The following IL1RAP variants were observed in gnomAD, a reference collection of about 807,000 sequenced individuals.
The protein encoded by IL1RAP is interleukin-1 receptor accessory protein.
IL1RAP carries 35 observed loss-of-function variants against 60.7 expected under a neutral mutation model. That is an observed-to-expected ratio of 0.58 (90% CI 0.44 to 0.76). The LOEUF is 0.76. IL1RAP is among the 30% of genes least tolerant of loss of function. The pLI is 0.00. For missense variants in IL1RAP, 572 were observed against 693.9 expected (o/e 0.82, Z 1.97); for synonymous variants, 268 against 250.9 (o/e 1.07, Z -0.64).
downstream of IL1RAP, among the ~76,000 whole-genome samples, chr3:190,652,662 A>G (rs1175470053): frequency 6.6e-6 from 1 of 152,188 alleles, no homozygotes; most frequent in Non-Finnish European, 1.5e-5. Context: ...GCAGAGTTCG[A>G]CACTAATGGA....
At chr3:190,522,415 C>CTATG (rs369803038) in intron 1 of IL1RAP, among the ~76,000 whole-genome samples, 1 of 118,176 alleles carries the variant, frequency 8.5e-6, no homozygotes, top group South Asian at 2.7e-4. Flanking sequence ...ATCTATGTAT[C>CTATG]TATGTATCTA....
intron 1 of IL1RAP, among the ~76,000 whole-genome samples, chr3:190,551,759 A>T (rs986132110): frequency 6.6e-6 from 1 of 152,210 alleles, no homozygotes; most frequent in Admixed American, 6.5e-5. Flanking sequence ...TTTGAAAAGG[A>T]TTAAAACAAG....
chr3:190,615,800 A>C (rs1010007607), intron 5 of IL1RAP, among the ~76,000 whole-genome samples: 2 of 152,192 alleles, frequency 1.3e-5, no homozygotes, highest in Admixed American at 6.5e-5. Flanking sequence ...GCTATTAGGA[A>C]AGAACATTTC....
intron 1 of IL1RAP, among the ~76,000 whole-genome samples, chr3:190,527,103 T>C (rs935646600): frequency 6.6e-6 from 1 of 152,204 alleles, no homozygotes; most frequent in Non-Finnish European, 1.5e-5. Context: ...TACTTTGTAT[T>C]CCAGCGATGA....
At chr3:190,613,274 C>T (rs2108774874) in intron 5 of IL1RAP, among the ~76,000 whole-genome samples, 1 of 152,246 alleles carries the variant, frequency 6.6e-6, no homozygotes, top group Admixed American at 6.5e-5. Context: ...AGAGGAGAAG[C>T]AGGTTTAGGG....
chr3:190,536,592 T>A (rs11921538), intron 1 of IL1RAP, among the ~76,000 whole-genome samples: 15,025 of 152,164 alleles, frequency 0.099, 1,059 homozygotes, highest in East Asian at 0.36. Flanking sequence ...AAAATGACAG[T>A]TTTTTGCAAA....
chr3:190,567,113 G>A (rs904022204), intron 3 of IL1RAP, among the ~76,000 whole-genome samples: 3 of 152,140 alleles, frequency 2.0e-5, no homozygotes, highest in Admixed American at 1.3e-4. Flanking sequence ...AGAACTTAGC[G>A]CCATGCAATG....
At chr3:190,537,216 CT>C (rs139702737) in intron 1 of IL1RAP, among the ~76,000 whole-genome samples, 10,166 of 151,438 alleles carry the variant, frequency 0.067, 630 homozygotes, top group East Asian at 0.36. Context: ...ATTTTCTCTT[CT>C]TTTTTTTTAT....
At chr3:190,642,087 G>A (rs1277652590) in intron 9 of IL1RAP, 1 of 152,176 alleles carries the variant, frequency 6.6e-6, no homozygotes, top group Admixed American at 6.5e-5. Flanking sequence ...CCTTTAATAA[G>A]AGAACTTCAG....
intron 1 of IL1RAP, chr3:190,518,774 T>G (rs1156535043): frequency 6.6e-6 from 1 of 152,224 alleles, no homozygotes; most frequent in Non-Finnish European, 1.5e-5. Context: ...GTGAGACCCA[T>G]TCACTATCAC....
At chr3:190,629,579 C>A in intron 9 of IL1RAP, 81 bp downstream of exon 9, 1 of 1,505,022 alleles carries the variant, frequency 6.6e-7, no homozygotes. Context: ...AGATTGAGAA[C>A]AAGAGAGCTC....
intron 9 of IL1RAP, among the ~76,000 whole-genome samples, chr3:190,631,662 T>A (rs1008180801): frequency 1.3e-5 from 2 of 152,172 alleles, no homozygotes; most frequent in Non-Finnish European, 2.9e-5. Context: ...CAAAAGGACA[T>A]CAAGAAAAGA....
chr3:190,585,737 G>A (rs1327691617), intron 3 of IL1RAP, among the ~76,000 whole-genome samples: 7 of 151,948 alleles, frequency 4.6e-5, no homozygotes, highest in African/African-American at 1.7e-4. Flanking sequence ...GCTTGAACCC[G>A]GGAGGCTGAG....
intron 1 of IL1RAP, among the ~76,000 whole-genome samples, chr3:190,528,951 C>T (rs1358721131): frequency 2.6e-5 from 4 of 152,122 alleles, no homozygotes; most frequent in Non-Finnish European, 4.4e-5. Context: ...GTGGGAGAGA[C>T]TGGGCAACTG....
At chr3:190,569,654 A>G (rs1163869932) in intron 3 of IL1RAP, among the ~76,000 whole-genome samples, 1 of 151,942 alleles carries the variant, frequency 6.6e-6, no homozygotes, top group African/African-American at 2.4e-5. Context: ...ATATTTCCCA[A>G]GGGTGGATTT....
chr3:190,646,743 A>G (rs1472801161), intron 11 of IL1RAP, among the ~76,000 whole-genome samples: 2 of 151,400 alleles, frequency 1.3e-5, no homozygotes, highest in African/African-American at 2.4e-5. Flanking sequence ...ATCATTTAAC[A>G]GTTTTTTTTT....
chr3:190,614,745 G>A (rs1731114839), intron 5 of IL1RAP, among the ~76,000 whole-genome samples: 1 of 152,162 alleles, frequency 6.6e-6, no homozygotes, highest in Admixed American at 6.5e-5. Context: ...TGATGGGAGA[G>A]TCTGGGATTT....
chr3:190,559,218 G>A (rs1725680817), intron 2 of IL1RAP, among the ~76,000 whole-genome samples: 1 of 152,136 alleles, frequency 6.6e-6, no homozygotes, highest in South Asian at 2.1e-4. Flanking sequence ...ATATCTCCGT[G>A]ATCACTAGTC....
chr3:190,573,506 C>G (rs1002160248), intron 3 of IL1RAP, among the ~76,000 whole-genome samples: 1 of 152,138 alleles, frequency 6.6e-6, no homozygotes, highest in African/African-American at 2.4e-5. Context: ...TGTTGGAGGA[C>G]TTTCTCCCTC....
Sources: gnomAD v4.1 joint callset for allele counts (sites outside exome capture counted in the v4.1 genomes callset) on GRCh38, gnomAD v4.1.1 for gene constraint, MANE v1.5 for transcripts, NCBI Gene and HGNC (gene_info 2026-07-23, HGNC 2026-07-21) for gene names.